Variants in ATRN observed in about 807,000 individuals in gnomAD.
The protein encoded by ATRN is attractin, also known as attractin-2.
Under a neutral mutation model 178.7 loss-of-function variants are expected in ATRN, and 54 were observed. That is an observed-to-expected ratio of 0.30 (90% CI 0.24 to 0.38). The LOEUF (loss-of-function observed/expected upper bound fraction) is 0.38. Ranked by LOEUF, ATRN falls within the 10% of genes least tolerant of loss-of-function variation. The pLI is 1.00. For missense variants in ATRN, 1,443 were observed against 1,815.1 expected, an observed-to-expected ratio of 0.79 and a Z score of 3.73; for synonymous variants, 636 against 663.0, an observed-to-expected ratio of 0.96 and a Z score of 0.63.
chr20:3,570,198 T>C (rs1326575737), intron 11 of ATRN, among the ~76,000 whole-genome samples: 1 of 152,156 alleles, frequency 6.6e-6, no homozygotes, highest in Non-Finnish European at 1.5e-5. Context: ...ATCCATATGT[T>C]ACAATTGGTT....
chr20:3,537,652 C>T (rs2085556665), intron 2 of ATRN, among the ~76,000 whole-genome samples: 1 of 150,114 alleles, frequency 6.7e-6, no homozygotes. Flanking sequence ...CTAATGCTAT[C>T]CCTCCCCACT....
chr20:3,498,842 G>A (rs1395115222), intron 1 of ATRN, among the ~76,000 whole-genome samples: 1 of 143,014 alleles, frequency 7.0e-6, no homozygotes, highest in East Asian at 2.0e-4. Flanking sequence ...GGGCAATTAG[G>A]CAGGAGAAGG....
rs1887825893 is a variant in ATRN, at chr20:3,641,615, AG to A, written c.4051-2536del. ...CAAAAAAAAAAAAAAAAAAAAAAAA[AG>A]GGAAAAGATCACCTGCAAAGGAATG... On this transcript the variant is annotated intron_variant, in intron 27 of 28. Coordinates refer to ENST00000262919, the MANE Select transcript of ATRN (RefSeq NM_139321.3). Among the ~76,000 whole-genome samples, 21 of 145,044 alleles carry A rather than the reference AG, an allele frequency of 1.4e-4. No individual in the cohort carries two copies. The South Asian group carries it at 1.9e-3, about 13-fold the overall frequency.
At chr20:3,475,959 A>T (rs929585544) in intron 1 of ATRN, among the ~76,000 whole-genome samples, 10 of 152,222 alleles carry the variant, frequency 6.6e-5, no homozygotes, top group Non-Finnish European at 1.5e-4. Flanking sequence ...AACCTGGGCA[A>T]CAAAGTGAGA....
At chr20:3,599,188 G>A (rs2086572275) in intron 22 of ATRN, among the ~76,000 whole-genome samples, 1 of 152,018 alleles carries the variant, frequency 6.6e-6, no homozygotes, top group African/African-American at 2.4e-5. Flanking sequence ...TCATTTGAGT[G>A]GCTGTATTGA....
chr20:3,625,282 C>T (rs146557045), intron 25 of ATRN, among the ~76,000 whole-genome samples: 193 of 152,266 alleles, frequency 1.3e-3, no homozygotes, highest in African/African-American at 4.4e-3. Context: ...CCTAGCATCT[C>T]CCCTCACACC....
At position 3,612,019 on chromosome 20, in the gene ATRN, G is replaced by C. The variant is rs115071860; in HGVS notation, c.3801+7757G>C. Among the ~76,000 whole-genome samples the C allele has an allele frequency of 6.3e-3, 953 of 152,290 alleles. 15 individuals are homozygous for C. The highest frequency in any genetic ancestry group is 0.021 in the African/African-American group (888 of 41,544). On this transcript the variant is annotated intron_variant, in intron 24 of 28. Transcript: ENST00000262919. ...TTATCCTAGAGAAATGAAAACCAGT[G>C]TTCTCACAAATCTCTGTACACCCGT...
intron 16 of ATRN, among the ~76,000 whole-genome samples, chr20:3,582,946 G>C (rs1182761191): frequency 6.6e-6 from 1 of 152,140 alleles, no homozygotes; most frequent in Non-Finnish European, 1.5e-5. Context: ...CAGGCCCAGG[G>C]GTAGCTGCTG....
chr20:3,570,230 T>C (rs2086100663), intron 11 of ATRN, among the ~76,000 whole-genome samples: 1 of 152,184 alleles, frequency 6.6e-6, no homozygotes, highest in Non-Finnish European at 1.5e-5. Context: ...GAAGTTTCTC[T>C]TGATCTGTAG....
chr20:3,576,446 A>G (rs529281090), intron 13 of ATRN, among the ~76,000 whole-genome samples: 2 of 152,316 alleles, frequency 1.3e-5, no homozygotes, highest in South Asian at 4.1e-4. Flanking sequence ...TTGACAGCTT[A>G]CAAGACTTTT....
At chr20:3,554,990 C>CTTTTTTTTTTT (rs536209701) in intron 6 of ATRN, among the ~76,000 whole-genome samples, 6 of 67,458 alleles carry the variant, frequency 8.9e-5, no homozygotes, top group African/African-American at 4.2e-4. Context: ...GACCTGACCT[C>CTTTTTTTTTTT]TTTTTTTTTT....
intron 18 of ATRN, among the ~76,000 whole-genome samples, chr20:3,589,574 A>T (rs2086410004): frequency 6.6e-6 from 1 of 152,036 alleles, no homozygotes; most frequent in Non-Finnish European, 1.5e-5. Context: ...GTGCGTGTTT[A>T]TCCTGGTGGT....
rs1345301470 is a variant in ATRN, at chr20:3,645,924, G to A, written c.4166-799G>A. ...TCCCTAATGGATGTCAGATTACTCC[G>A]TTATCAATACAGGAAGGAAAATGGG... On this transcript the variant is annotated intron_variant, in intron 28 of 28. Coordinates refer to ENST00000262919, the MANE Select transcript of ATRN (RefSeq NM_139321.3). This position sits in a 1 kb window ranked among gnomAD's most constrained non-coding sequence, Gnocchi z 4.7. 1.3e-5 allele frequency among the ~76,000 whole-genome samples: 2 copies of A among 152,160 alleles called. No individual in the cohort carries two copies. The highest frequency in any genetic ancestry group is 6.5e-5 in the Admixed American group (1 of 15,288).
intron 1 of ATRN, among the ~76,000 whole-genome samples, chr20:3,516,649 G>T (rs2085210071): frequency 6.6e-6 from 1 of 152,098 alleles, no homozygotes; most frequent in South Asian, 2.1e-4. Flanking sequence ...CCTGAATGAG[G>T]CCTGCTTCCT....
intron 1 of ATRN, among the ~76,000 whole-genome samples, chr20:3,473,337 A>G (rs1257018535): frequency 6.6e-6 from 1 of 152,036 alleles, no homozygotes; most frequent in East Asian, 1.9e-4. Context: ...GAGGGGTGAG[A>G]TGGTACTACC....
At chr20:3,500,746 T>C (rs902597912) in intron 1 of ATRN, among the ~76,000 whole-genome samples, 26 of 148,612 alleles carry the variant, frequency 1.7e-4, no homozygotes, top group African/African-American at 6.5e-4. Context: ...AGATGACGAG[T>C]TAGTGGGTGC....
chr20:3,626,113 T>C (rs113196249), intron 25 of ATRN, among the ~76,000 whole-genome samples: 47 of 151,870 alleles, frequency 3.1e-4, no homozygotes, highest in African/African-American at 1.1e-3. Flanking sequence ...AAGCCTGTAG[T>C]CCCAGCTAAT....
At chr20:3,509,879 G>A (rs961641089) in intron 1 of ATRN, among the ~76,000 whole-genome samples, 1 of 152,136 alleles carries the variant, frequency 6.6e-6, no homozygotes, top group Non-Finnish European at 1.5e-5. Context: ...GCACAACTTT[G>A]TATTCTACCC....
intron 25 of ATRN, among the ~76,000 whole-genome samples, chr20:3,633,662 T>A (rs1346975516): frequency 6.6e-6 from 1 of 152,266 alleles, no homozygotes; most frequent in East Asian, 1.9e-4. Flanking sequence ...TTGCCATCAC[T>A]GTAGCTTTTC....
Sources: gnomAD v4.1 joint callset for allele counts (sites outside exome capture counted in the v4.1 genomes callset) on GRCh38, gnomAD v4.1.1 for gene constraint, Gnocchi (gnomAD v3.1) non-coding constraint, MANE v1.5 for transcripts, NCBI Gene and HGNC (gene_info 2026-07-23, HGNC 2026-07-21) for gene names.